Variants in MEI1 observed in about 807,000 individuals in gnomAD.
The protein encoded by MEI1 is meiotic double-stranded break formation protein 1.
A neutral mutation model predicts 146.2 loss-of-function variants in MEI1; 103 were observed. That is an observed-to-expected ratio of 0.70 (90% CI 0.60 to 0.83). MEI1 has a LOEUF of 0.83. Among genes scored for constraint, MEI1 ranks in the 40% least tolerant of loss-of-function variants. The probability of loss-of-function intolerance (pLI) is 0.00; values close to 1 mark genes in which losing one functional copy is unlikely to be tolerated. For synonymous variants in MEI1, 652 were observed against 628.2 expected (o/e 1.04, Z -0.57); for missense variants, 1,529 against 1,533.0 (o/e 1.00, Z 0.04).
chr22:41,764,986 C>G (rs1440629895), intron 19 of MEI1, among the ~76,000 whole-genome samples: 1 of 152,004 alleles, frequency 6.6e-6, no homozygotes, highest in East Asian at 1.9e-4. Context: ...ACCTGAGAAG[C>G]CTTTGCTTCA....
Position 41,744,113 on chromosome 22 carries a change from C to A in MEI1, c.1447-860C>A, listed in dbSNP as rs987731028. Among the ~76,000 whole-genome samples, 24 of 151,984 alleles carry A rather than the reference C, an allele frequency of 1.6e-4. 1 individual carries two copies. The highest frequency in any genetic ancestry group is 3.4e-3 in the Middle Eastern group (1 of 294). On this transcript the variant is annotated intron_variant, in intron 12 of 30. Coordinates refer to ENST00000401548, the MANE Select transcript of MEI1 (RefSeq NM_152513.4). Reference sequence around the variant, plus strand: ...GCTGGTCTCGAACTCCTGACCTCCACCTCGGCCTCCTAAAGTTCTGGGATT... The same window carrying A: ...GCTGGTCTCGAACTCCTGACCTCCAACTCGGCCTCCTAAAGTTCTGGGATT...
intron 6 of MEI1, among the ~76,000 whole-genome samples, chr22:41,722,382 C>T (rs1445006735): frequency 2.0e-5 from 3 of 151,940 alleles, no homozygotes; most frequent in Non-Finnish European, 2.9e-5. Context: ...ACTGCAGCCT[C>T]GAACTCCTGG....
intron 26 of MEI1, among the ~76,000 whole-genome samples, chr22:41,790,732 T>C (rs966095557): frequency 6.6e-6 from 1 of 152,118 alleles, no homozygotes; most frequent in Non-Finnish European, 1.5e-5. Context: ...CAGCTGGGAC[T>C]ACAGGCTCCC....
At chr22:41,769,206 A>G (rs990539289) in intron 19 of MEI1, among the ~76,000 whole-genome samples, 1 of 152,222 alleles carries the variant, frequency 6.6e-6, no homozygotes, top group Non-Finnish European at 1.5e-5. Context: ...TGTGGTACTG[A>G]CATAGGAGTA....
In MEI1 at chr22:41,793,881, A is replaced by C. The variant is rs766742512; in HGVS notation, c.3398A>C (p.Asp1133Ala). Reference protein sequence around the residue: ...ACVGCLEALLDYLDARSPDIA... With the variant: ...ACVGCLEALLAYLDARSPDIA... The stretch of plus-strand genomic sequence containing the variant: ...GTTGGCTGCCTGGAGGCCTTGCTTG[A>C]CTACCTGGATGCCCGGAGCCCAGAC... Residue 1133 changes from aspartate (D) to alanine (A), a missense_variant, in exon 27 of 31, where the codon GAC (aspartate) becomes GCC (alanine). Transcript: ENST00000401548. The C allele has an allele frequency of 6.2e-7, 1 of 1,611,262 alleles. No homozygotes were observed. The highest frequency in any genetic ancestry group is 8.5e-7 in the Non-Finnish European group (1 of 1,179,518).
At chr22:41,713,568 A>G (rs1467649917) in intron 3 of MEI1, among the ~76,000 whole-genome samples, 1 of 151,610 alleles carries the variant, frequency 6.6e-6, no homozygotes, top group Non-Finnish European at 1.5e-5. Flanking sequence ...TGTTTTTGAG[A>G]CAGAGTTTTT....
At chr22:41,746,417 G>C (rs2073292094) in intron 14 of MEI1, among the ~76,000 whole-genome samples, 1 of 152,156 alleles carries the variant, frequency 6.6e-6, no homozygotes, top group African/African-American at 2.4e-5. Flanking sequence ...TGCTGAGATT[G>C]AACCTATGAC....
In MEI1 at chr22:41,704,741, G is replaced by T. The variant is rs146863487; in HGVS notation, c.299-763G>T. Among the ~76,000 whole-genome samples, 442 of 152,060 alleles carry T rather than the reference G, an allele frequency of 2.9e-3. 1 individual carries two copies. The highest frequency in any genetic ancestry group is 5.2e-3 in the Admixed American group (80 of 15,264). On this transcript the variant is annotated intron_variant, in intron 2 of 30. Transcript: ENST00000401548. The stretch of plus-strand genomic sequence containing the variant: ...AATTCTTATCTTTTTTTGAGATGGA[G>T]TCTTGCTCTGTCACCCAGACTGGAG...
At chr22:41,759,938 C>T (rs1386513703) in intron 18 of MEI1, among the ~76,000 whole-genome samples, 1 of 152,118 alleles carries the variant, frequency 6.6e-6, no homozygotes, top group Non-Finnish European at 1.5e-5. Context: ...CTTTGGGAGG[C>T]CGAGGCGGGT....
At chr22:41,717,008 A>T (rs1391928935) in intron 5 of MEI1, among the ~76,000 whole-genome samples, 1 of 151,696 alleles carries the variant, frequency 6.6e-6, no homozygotes, top group East Asian at 1.9e-4. Context: ...CTTTAACACA[A>T]ATTAATTAAG....
At chr22:41,743,044 C>T (rs368572801) in intron 11 of MEI1, 36 bp from the exon 12 acceptor site, 52 of 1,514,040 alleles carry the variant, frequency 3.4e-5, no homozygotes, top group Non-Finnish European at 4.8e-5. Context: ...ATACCGTTGC[C>T]TTACCGTGAA....
intron 15 of MEI1, among the ~76,000 whole-genome samples, chr22:41,749,625 G>A (rs951177203): frequency 2.6e-5 from 4 of 152,184 alleles, no homozygotes; most frequent in African/African-American, 9.7e-5. Context: ...AAGAAGTGGA[G>A]TAACATGTTC....
At chr22:41,762,220 C>G (rs756456138) in intron 18 of MEI1, among the ~76,000 whole-genome samples, 2 of 152,026 alleles carry the variant, frequency 1.3e-5, no homozygotes, top group African/African-American at 2.4e-5. Context: ...CTCCTGTTTG[C>G]TGTCTTTTCG....
At chr22:41,728,386 T>G (rs2071553423) in intron 7 of MEI1, among the ~76,000 whole-genome samples, 1 of 152,220 alleles carries the variant, frequency 6.6e-6, no homozygotes, top group South Asian at 2.1e-4. Flanking sequence ...CTCAATAAAT[T>G]GAGGTTTATA....
intron 26 of MEI1, among the ~76,000 whole-genome samples, chr22:41,785,934 G>A (rs139550): frequency 0.12 from 14,144 of 115,602 alleles, 1,484 homozygotes; most frequent in Admixed American, 0.28. Flanking sequence ...TTTTTGAGAC[G>A]GAGTCTCGCT....
intron 20 of MEI1, chr22:41,774,075 G>A (rs2075322974): frequency 6.6e-6 from 1 of 152,120 alleles, no homozygotes; most frequent in Admixed American, 6.6e-5. Context: ...CTTATCAATG[G>A]GTGGTCTTTC....
At chr22:41,753,355 C>A (rs2073899998) in intron 16 of MEI1, among the ~76,000 whole-genome samples, 1 of 151,910 alleles carries the variant, frequency 6.6e-6, no homozygotes, top group South Asian at 2.1e-4. Flanking sequence ...TGGTAACACA[C>A]CTTTAGTCCC....
chr22:41,797,310 TGCATAAAA>T (rs2076396966), intron 30 of MEI1, among the ~76,000 whole-genome samples: 1 of 151,796 alleles, frequency 6.6e-6, no homozygotes, highest in African/African-American at 2.4e-5. Flanking sequence ...TATTTAAAAC[TGCATAAAA>T]TTACCTTCAG....
rs1226050339 is a variant in MEI1, at chr22:41,753,750, A to C, written c.1854-199A>C. On this transcript the variant is annotated intron_variant, in intron 16 of 30. Coordinates refer to ENST00000401548, the MANE Select transcript of MEI1 (RefSeq NM_152513.4). Reference sequence around the variant, plus strand: ...AGCCTCAGCCTCCCAAAGTGCTAGAATTACAGGCATAAGCCACTGTGCCCA... The same window carrying C: ...AGCCTCAGCCTCCCAAAGTGCTAGACTTACAGGCATAAGCCACTGTGCCCA... The C allele has an allele frequency of 1.0e-5, 5 of 492,036 alleles. No homozygotes were observed. The East Asian group carries it at 1.8e-4, about 18-fold the overall frequency. 30.5% of individuals were successfully genotyped at this position (492,036 alleles called of 1,614,324 possible). A position where few individuals can be genotyped will look rare whatever the true frequency, so the allele number is the denominator to read the frequency against.
Sources: gnomAD v4.1 joint callset for allele counts (sites outside exome capture counted in the v4.1 genomes callset) on GRCh38, gnomAD v4.1.1 for gene constraint, MANE v1.5 for transcripts, NCBI Gene and HGNC (gene_info 2026-07-23, HGNC 2026-07-21) for gene names.